RPS6KA1: variants seen among roughly 807,000 people sequenced by gnomAD.
RPS6KA1 encodes the protein ribosomal protein S6 kinase alpha-1.
RPS6KA1 carries 48 observed loss-of-function variants against 91.3 expected under a neutral mutation model. The ratio of observed to expected loss-of-function variants is 0.53; its 90% CI spans 0.42 to 0.67. The LOEUF is 0.67. Among genes scored for constraint, RPS6KA1 ranks in the 30% least tolerant of loss-of-function variants. The probability of loss-of-function intolerance (pLI) is 0.00; values close to 1 mark genes in which losing one functional copy is unlikely to be tolerated. For missense variants in RPS6KA1, 719 were observed against 960.5 expected (o/e 0.75, Z 3.32); for synonymous variants, 359 against 384.7 (o/e 0.93, Z 0.78).
At chr1:26,543,330 C>G in intron 2 of RPS6KA1, 1 of 830,980 alleles carries the variant, frequency 1.2e-6, no homozygotes, top group South Asian at 1.5e-5. Flanking sequence ...TTTCCTGTCT[C>G]TGTCCCCAGG....
In RPS6KA1 at chr1:26,574,269, C is replaced by T. The variant is rs1331858059; in HGVS notation, c.*68C>T. On this transcript the variant is annotated 3_prime_UTR_variant, in exon 22 of 22. Coordinates refer to ENST00000374168, the MANE Select transcript of RPS6KA1 (RefSeq NM_002953.4). The surrounding 1 kb of genome is among the most constrained non-coding windows in gnomAD (Gnocchi z 4.3). Reference sequence around the variant, plus strand: ...CAGTCAGCATGCTTCCCAGAGGGAGCAGGCCGGAACCACAGGGCCAGAGGG... The same window carrying T: ...CAGTCAGCATGCTTCCCAGAGGGAGTAGGCCGGAACCACAGGGCCAGAGGG... 2.5e-6 allele frequency: 4 copies of T among 1,594,534 alleles called. No homozygotes were observed. The highest frequency in any genetic ancestry group is 3.4e-6 in the Non-Finnish European group (4 of 1,162,874).
intron 13 of RPS6KA1, among the ~76,000 whole-genome samples, chr1:26,557,699 A>G (rs1477944447): frequency 6.6e-6 from 1 of 151,068 alleles, no homozygotes; most frequent in Non-Finnish European, 1.5e-5. Context: ...GTGGGGTGGA[A>G]TGTTCTGGGA....
In RPS6KA1 at chr1:26,547,424, C is replaced by T. The variant is rs952334493; in HGVS notation, c.307+154C>T. 11 of 632,662 alleles carry T rather than the reference C, an allele frequency of 1.7e-5. No individual in the cohort carries two copies. Among genetic ancestry groups the T allele is most frequent in the African/African-American group, 9.2e-5 (5 of 54,596 alleles). The allele number at this position is 632,662 out of a possible 1,614,324, so 39.2% of individuals were successfully genotyped here. On this transcript the variant is annotated intron_variant, in intron 4 of 21. Coordinates refer to ENST00000374168, the MANE Select transcript of RPS6KA1 (RefSeq NM_002953.4). The surrounding 1 kb of genome is among the most constrained non-coding windows in gnomAD (Gnocchi z 4.1). ...ACAGGCCTATTTCTCAGCTATCCCT[C>T]GCCAGCCAATCCTCCTCCCCCTAAG...
At chr1:26,534,702 C>G (rs772775214) in intron 1 of RPS6KA1, among the ~76,000 whole-genome samples, 5 of 152,072 alleles carry the variant, frequency 3.3e-5, no homozygotes, top group Non-Finnish European at 7.4e-5. Context: ...TACTTTGATC[C>G]GCATTTCACA....
intron 14 of RPS6KA1, among the ~76,000 whole-genome samples, chr1:26,559,200 T>C (rs1313488594): frequency 6.6e-6 from 1 of 152,212 alleles, no homozygotes; most frequent in Non-Finnish European, 1.5e-5. Flanking sequence ...GCCGAGTGAC[T>C]GTCGTGTCTC....
chr1:26,556,796 C>T (rs1005043952), intron 12 of RPS6KA1, 78 bp downstream of exon 12: 1 of 1,537,186 alleles, frequency 6.5e-7, no homozygotes, highest in East Asian at 2.2e-5. Flanking sequence ...GGGAGGGGAG[C>T]CTCTGCCAGC....
chr1:26,559,607 T>A (rs571964120), intron 14 of RPS6KA1, among the ~76,000 whole-genome samples: 2 of 151,264 alleles, frequency 1.3e-5, no homozygotes, highest in Non-Finnish European at 2.9e-5. Flanking sequence ...GTCAAACTCC[T>A]GACCTCAAGT....
Position 26,551,263 on chromosome 1 carries a change from C to T in RPS6KA1, c.308-134C>T. The stretch of plus-strand genomic sequence containing the variant: ...AGGAAACCTGAGGATTGAGTGTCCC[C>T]AAAGCCCTGGGTGAGGGGGCTTTGG... On this transcript the variant is annotated intron_variant, in intron 4 of 21. Transcript: ENST00000374168. This position sits in a 1 kb window ranked among gnomAD's most constrained non-coding sequence, Gnocchi z 4.5. The T allele has an allele frequency of 1.4e-6, 1 of 730,850 alleles. No individual in the cohort carries two copies. Among genetic ancestry groups the T allele is most frequent in the Non-Finnish European group, 2.3e-6 (1 of 426,608 alleles). The allele number at this position is 730,850 out of a possible 1,614,324, so 45.3% of individuals were successfully genotyped here. A position where few individuals can be genotyped will look rare whatever the true frequency, so the allele number is the denominator to read the frequency against.
chr1:26,568,804 G>A (rs1438432823), intron 17 of RPS6KA1, among the ~76,000 whole-genome samples: 2 of 152,152 alleles, frequency 1.3e-5, no homozygotes, highest in African/African-American at 4.8e-5. Flanking sequence ...CTGTGTCCCA[G>A]TAGTGTCATG....
chr1:26,548,927 C>T (rs1483963092), intron 4 of RPS6KA1, among the ~76,000 whole-genome samples: 1 of 151,540 alleles, frequency 6.6e-6, no homozygotes. Context: ...CTCCTGCAGC[C>T]CTGTGTGCTG....
intron 17 of RPS6KA1, among the ~76,000 whole-genome samples, chr1:26,566,305 ACAGAGT>A: frequency 9.7e-6 from 1 of 103,248 alleles, no homozygotes; most frequent in African/African-American, 3.8e-5. Context: ...TTTTTTTGAG[ACAGAGT>A]CTCGCTCTGT....
Position 26,574,505 on chromosome 1 carries a change from AC to A in RPS6KA1, c.*305del. 1 of 525,842 alleles carries A rather than the reference AC, an allele frequency of 1.9e-6. No homozygotes were observed. Among genetic ancestry groups the A allele is most frequent in the South Asian group, 1.5e-5 (1 of 65,586 alleles). 32.6% of individuals were successfully genotyped at this position (525,842 alleles called of 1,614,324 possible). A position where few individuals can be genotyped will look rare whatever the true frequency, so the allele number is the denominator to read the frequency against. The stretch of plus-strand genomic sequence containing the variant: ...TCCATTTGCCTTTCTGGGAGCAGAA[AC>A]AGCCATTGCGGCCCCAGGAGGGGAA... On this transcript the variant is annotated 3_prime_UTR_variant, in exon 22 of 22. Coordinates refer to ENST00000374168, the MANE Select transcript of RPS6KA1 (RefSeq NM_002953.4). The surrounding 1 kb of genome is among the most constrained non-coding windows in gnomAD (Gnocchi z 4.3).
At chr1:26,559,916 G>A (rs558051915) in intron 14 of RPS6KA1, among the ~76,000 whole-genome samples, 20 of 152,166 alleles carry the variant, frequency 1.3e-4, no homozygotes, top group Middle Eastern at 3.4e-3. Flanking sequence ...CCAACATGGC[G>A]AAACCCCGTC....
At chr1:26,564,719 A>G (rs2076184187) in intron 17 of RPS6KA1, among the ~76,000 whole-genome samples, 1 of 152,110 alleles carries the variant, frequency 6.6e-6, no homozygotes, top group Non-Finnish European at 1.5e-5. Flanking sequence ...TTTTAGGGGA[A>G]ATTCTGTAAA....
chr1:26,544,217 T>C (rs925877378), intron 2 of RPS6KA1: 1 of 456,306 alleles, frequency 2.2e-6, no homozygotes, highest in Non-Finnish European at 4.4e-6. Flanking sequence ...ACTCTCCCGC[T>C]GTCTCTCTTT....
intron 2 of RPS6KA1, among the ~76,000 whole-genome samples, chr1:26,545,526 G>A (rs765301703): frequency 3.9e-5 from 6 of 152,130 alleles, no homozygotes; most frequent in East Asian, 1.9e-4. Context: ...GTCTCTCTTC[G>A]TCTGCCTCCA....
Position 26,555,231 on chromosome 1 carries a change from A to C in RPS6KA1, c.827+10A>C. On this transcript the variant is annotated intron_variant, in intron 10 of 21. Coordinates refer to ENST00000374168, the MANE Select transcript of RPS6KA1 (RefSeq NM_002953.4). This position sits in a 1 kb window ranked among gnomAD's most constrained non-coding sequence, Gnocchi z 4.3. ...TGACACTGATTCTGAAGTAAGCCCCAGCCCTGCCCTGATAACAATGGACTC... is the reference window on the plus strand; with the variant it reads ...TGACACTGATTCTGAAGTAAGCCCCCGCCCTGCCCTGATAACAATGGACTC... 6.2e-7 allele frequency: 1 copy of C among 1,613,946 alleles called. No homozygotes were observed. The highest frequency in any genetic ancestry group is 8.5e-7 in the Non-Finnish European group (1 of 1,179,832).
intron 17 of RPS6KA1, among the ~76,000 whole-genome samples, chr1:26,566,504 CT>C (rs2076203633): frequency 1.3e-5 from 2 of 151,998 alleles, no homozygotes; most frequent in African/African-American, 4.8e-5. Context: ...CCAAACTGTT[CT>C]CGAACTCCTG....
chr1:26,561,450 A>C lies in RPS6KA1; in HGVS notation c.1432-55A>C, dbSNP rs1043685448. ...TCCCTGCTCTGGGGCGCTGCTGACCAGGGGGCTCAGGCCTGACACTGGGGA... is the reference window on the plus strand; with the variant it reads ...TCCCTGCTCTGGGGCGCTGCTGACCCGGGGGCTCAGGCCTGACACTGGGGA... On this transcript the variant is annotated intron_variant, in intron 16 of 21. Transcript: ENST00000374168. The surrounding 1 kb of genome is among the most constrained non-coding windows in gnomAD (Gnocchi z 5.7). 1.9e-6 allele frequency: 3 copies of C among 1,611,190 alleles called. No homozygotes were observed. The African/African-American group carries it at 4.0e-5, about 22-fold the overall frequency.
Sources: gnomAD v4.1 joint callset for allele counts (sites outside exome capture counted in the v4.1 genomes callset) on GRCh38, gnomAD v4.1.1 for gene constraint, Gnocchi (gnomAD v3.1) non-coding constraint, MANE v1.5 for transcripts, NCBI Gene and HGNC (gene_info 2026-07-23, HGNC 2026-07-21) for gene names.